Variants in KIF17 observed in about 807,000 individuals in gnomAD.
The protein encoded by KIF17 is kinesin-like protein KIF17.
Under a neutral mutation model 96.8 loss-of-function variants are expected in KIF17, and 80 were observed. That is an observed-to-expected ratio of 0.83 (90% CI 0.69 to 1.00). The LOEUF (loss-of-function observed/expected upper bound fraction) is 1.00. KIF17 is among the 50% of genes least tolerant of loss of function. The probability of loss-of-function intolerance (pLI) is 0.00; values close to 1 mark genes in which losing one functional copy is unlikely to be tolerated. For synonymous variants in KIF17, 567 were observed against 587.5 expected, an observed-to-expected ratio of 0.97 and a Z score of 0.51; for missense variants, 1,280 against 1,372.9, an observed-to-expected ratio of 0.93 and a Z score of 1.07.
intron 7 of KIF17, 99 bp from the exon 8 acceptor site, chr1:20,688,043 T>C: frequency 1.8e-6 from 2 of 1,097,358 alleles, no homozygotes; most frequent in Non-Finnish European, 2.7e-6. Flanking sequence ...TTTTTTTGTT[T>C]GTTTTTTTTT....
intron 5 of KIF17, among the ~76,000 whole-genome samples, chr1:20,703,188 CGGAT>C (rs879425464): frequency 1.1e-5 from 1 of 92,840 alleles, no homozygotes; most frequent in Non-Finnish European, 2.3e-5. Context: ...AATGGATGGA[CGGAT>C]GGATGGGAGA....
chr1:20,684,691 C>T, intron 10 of KIF17, 118 bp downstream of exon 10: 1 of 1,061,452 alleles, frequency 9.4e-7, no homozygotes, highest in South Asian at 1.4e-5. Context: ...TCAGGGCCGC[C>T]CTGCCAAGTT....
chr1:20,689,743 T>C (rs1463436745), intron 7 of KIF17, among the ~76,000 whole-genome samples: 2 of 152,084 alleles, frequency 1.3e-5, no homozygotes, highest in South Asian at 2.1e-4. Context: ...TATTATGGAA[T>C]GTGTTTGCTT....
intron 13 of KIF17, among the ~76,000 whole-genome samples, chr1:20,667,494 T>C (rs969688472): frequency 6.6e-6 from 1 of 152,220 alleles, no homozygotes; most frequent in Non-Finnish European, 1.5e-5. Context: ...TTAAATGTAA[T>C]GCACTTGAAT....
rs761036429 is a variant in KIF17, at chr1:20,709,729, TCCAG to T, written c.576_579del (p.Trp193ArgfsTer9). On this transcript the variant is annotated frameshift_variant, in exon 4 of 15. Transcript: ENST00000400463. LOFTEE classifies it high-confidence loss of function. The surrounding 1 kb of genome is among the most constrained non-coding windows in gnomAD (Gnocchi z 4.7). ...AGCGTGTAGCCGACCGAACGGTTCT[TCCAG>T]CCAGTCTCCATGATGTGCTCACACT... 16 of 1,613,538 alleles carry T rather than the reference TCCAG, an allele frequency of 9.9e-6. 1 individual carries two copies. The South Asian group carries it at 1.6e-4, about 17-fold the overall frequency.
intron 8 of KIF17, among the ~76,000 whole-genome samples, chr1:20,686,595 G>A (rs533035026): frequency 6.6e-5 from 10 of 152,156 alleles, no homozygotes; most frequent in Admixed American, 1.3e-4. Context: ...TCGCTCTGTC[G>A]CCCAGGCTGG....
At position 20,685,462 on chromosome 1, in the gene KIF17, C is replaced by T. The variant is rs1236352874; in HGVS notation, c.2020-442G>A. Among the ~76,000 whole-genome samples, 1 of 152,062 alleles carries T rather than the reference C, an allele frequency of 6.6e-6. No individual in the cohort carries two copies. The highest frequency in any genetic ancestry group is 6.5e-5 in the Admixed American group (1 of 15,270). ...AGTCAAGGTCTTTCCAGCCATAGGA[C>T]CTTGGCACTTGCTATCCCCTCTGCT... On this transcript the variant is annotated intron_variant, in intron 9 of 14. Transcript: ENST00000400463. The surrounding 1 kb of genome is among the most constrained non-coding windows in gnomAD (Gnocchi z 4.1).
intron 8 of KIF17, chr1:20,686,347 C>T: frequency 1.6e-6 from 1 of 607,822 alleles, no homozygotes; most frequent in Non-Finnish European, 3.0e-6. Flanking sequence ...TGGGCACCTG[C>T]TGTGTGCCAG....
chr1:20,678,386 T>TA (rs1284809279), intron 11 of KIF17, among the ~76,000 whole-genome samples: 2 of 152,018 alleles, frequency 1.3e-5, no homozygotes, highest in African/African-American at 4.8e-5. Context: ...TATACACACA[T>TA]ACGTACATAT....
intron 3 of KIF17, among the ~76,000 whole-genome samples, chr1:20,711,976 G>A (rs550908547): frequency 6.6e-5 from 10 of 152,272 alleles, no homozygotes; most frequent in Admixed American, 2.6e-4. Context: ...CATCCTCCAC[G>A]AGGGAGCGTG....
At chr1:20,705,893 CTTTTT>C (rs747719983) in intron 4 of KIF17, among the ~76,000 whole-genome samples, 2 of 53,560 alleles carry the variant, frequency 3.7e-5, no homozygotes, top group Non-Finnish European at 7.1e-5. Context: ...TAGGATGTCT[CTTTTT>C]TTTTTTTTTT....
chr1:20,713,379 T>C (rs2054516475), intron 3 of KIF17, 75 bp downstream of exon 3: 2 of 1,059,372 alleles, frequency 1.9e-6, no homozygotes, highest in East Asian at 2.5e-5. Flanking sequence ...CACTTTCCCA[T>C]ATTTCTGAGG....
chr1:20,668,882 G>A (rs959361826), intron 13 of KIF17, among the ~76,000 whole-genome samples: 2 of 152,036 alleles, frequency 1.3e-5, no homozygotes, highest in Admixed American at 6.6e-5. Flanking sequence ...ATTTATGATC[G>A]GGTCCTTTAC....
Position 20,684,930 on chromosome 1 carries a change from C to A in KIF17, c.2110G>T (p.Val704Leu). 1 of 1,599,266 alleles carries A rather than the reference C, an allele frequency of 6.3e-7. No individual in the cohort carries two copies. Among genetic ancestry groups the A allele is most frequent in the Non-Finnish European group, 8.5e-7 (1 of 1,173,526 alleles). The stretch of plus-strand genomic sequence containing the variant: ...GCCGGCAGGGGCTCAGGCTGAGCCA[C>A]CAGGGCCACCGGGGCCTGAGCCTCC... ...WLEAQAPVAL[V>L]AQPEPLPATA... Residue 704 changes from valine (V) to leucine (L), a missense_variant, in exon 10 of 15, where the codon GTG (valine) becomes TTG (leucine). By Grantham distance (32) the Val-to-Leu change is conservative. Transcript: ENST00000400463.
At position 20,715,582 on chromosome 1, in the gene KIF17, T is replaced by G. The variant is rs755751918; in HGVS notation, c.289A>C (p.Lys97Gln). 2 of 1,613,138 alleles carry G rather than the reference T, an allele frequency of 1.2e-6. No individual in the cohort carries two copies. Among genetic ancestry groups the G allele is most frequent in the Non-Finnish European group, 1.7e-6 (2 of 1,179,704 alleles). The change falls in exon 2 of 15, where the codon AAG (lysine) becomes CAG (glutamine). Residue 97 changes from lysine (K) to glutamine (Q), a missense_variant. By Grantham distance (53) the Lys-to-Gln change is moderately conservative. Coordinates refer to ENST00000400463, the MANE Select transcript of KIF17 (RefSeq NM_001122819.3). ...IFAYGQTGSG[K>Q]SFTMQGLPDP... ...GGCAGGCCCTGCATGGTGAAGGACT[T>G]CCCGCTGCCTGTCTGGCCGTAGGCA...
intron 3 of KIF17, 68 bp downstream of exon 3, chr1:20,713,386 G>A: frequency 8.9e-7 from 1 of 1,121,112 alleles, no homozygotes; most frequent in Non-Finnish European, 1.3e-6. Flanking sequence ...CCATATTTCT[G>A]AGGGAGCAGC....
Position 20,687,608 on chromosome 1 carries a change from C to T in KIF17, c.1718G>A (p.Ser573Asn), listed in dbSNP as rs370414135. ...EVSMPTEESR[S>N]RYFLDECLGQ... ...GAGGCACTCATCCAGGAAGTATCTG[C>T]TCCTGGACTCCTCAGTGGGCATGGA... The change falls in exon 8 of 15, where the codon AGC becomes AAC. Residue 573 changes from serine to asparagine, a missense_variant. By Grantham distance (46) the Ser-to-Asn change is conservative (BLOSUM62 1). Coordinates refer to ENST00000400463, the MANE Select transcript of KIF17 (RefSeq NM_001122819.3). This position sits in a 1 kb window ranked among gnomAD's most constrained non-coding sequence, Gnocchi z 4.4. The T allele has an allele frequency of 3.7e-6, 6 of 1,614,104 alleles. No individual in the cohort carries two copies. Among genetic ancestry groups the T allele is most frequent in the Non-Finnish European group, 3.4e-6 (4 of 1,179,990 alleles).
At chr1:20,701,065 G>A (rs1287132622) in intron 5 of KIF17, among the ~76,000 whole-genome samples, 1 of 152,156 alleles carries the variant, frequency 6.6e-6, no homozygotes, top group East Asian at 1.9e-4. Flanking sequence ...CGGGTTTCCA[G>A]GAGCACTGTG....
intron 3 of KIF17, among the ~76,000 whole-genome samples, chr1:20,710,788 C>T (rs1424714307): frequency 6.6e-6 from 1 of 152,136 alleles, no homozygotes; most frequent in African/African-American, 2.4e-5. Context: ...AACAGCCAAG[C>T]CCCACCAAGG....
Sources: allele counts gnomAD v4.1 joint callset (sites outside exome capture counted in the v4.1 genomes callset), GRCh38; gene constraint gnomAD v4.1.1; non-coding constraint Gnocchi (gnomAD v3.1); transcripts MANE v1.5; gene names NCBI Gene and HGNC (gene_info 2026-07-23, HGNC 2026-07-21).